PUS7: variants seen among roughly 807,000 people sequenced by gnomAD.
The protein encoded by PUS7 is pseudouridine synthase 7, also known as pseudouridylate synthase 7 homolog.
A neutral mutation model predicts 79.8 loss-of-function variants in PUS7; 48 were observed. The observed-to-expected ratio is 0.60, with a 90% CI of 0.48 to 0.76. PUS7 has a LOEUF of 0.76. PUS7 is among the 30% of genes least tolerant of loss of function. The pLI, the probability that PUS7 is intolerant of heterozygous loss-of-function variation, is 0.00. For missense variants in PUS7, 729 were observed against 797.6 expected, an observed-to-expected ratio of 0.91 and a Z score of 1.04; for synonymous variants, 286 against 272.2, an observed-to-expected ratio of 1.05 and a Z score of -0.50.
At chr7:105,465,212 C>A in intron 13 of PUS7, 101 bp downstream of exon 13, 1 of 711,626 alleles carries the variant, frequency 1.4e-6, no homozygotes, top group South Asian at 2.2e-5. Context: ...GCATCCCTTT[C>A]TGGGAGACTG....
At chr7:105,484,112 A>G (rs1348442904) in intron 7 of PUS7, among the ~76,000 whole-genome samples, 1 of 152,272 alleles carries the variant, frequency 6.6e-6, no homozygotes, top group East Asian at 1.9e-4. Flanking sequence ...GATAGTATTT[A>G]CTAGATTTTT....
intron 6 of PUS7, among the ~76,000 whole-genome samples, chr7:105,492,846 T>A (rs534595157): frequency 1.3e-5 from 2 of 152,318 alleles, no homozygotes; most frequent in East Asian, 3.9e-4. Flanking sequence ...TTTCGCCATG[T>A]TGGCCAGGCT....
At chr7:105,499,755 T>C (rs573178745) in intron 5 of PUS7, among the ~76,000 whole-genome samples, 1 of 152,306 alleles carries the variant, frequency 6.6e-6, no homozygotes, top group South Asian at 2.1e-4. Flanking sequence ...GTGAATCTGC[T>C]AGATAATGCA....
chr7:105,474,527 G>C (rs1408020896), intron 9 of PUS7, among the ~76,000 whole-genome samples: 1 of 151,690 alleles, frequency 6.6e-6, no homozygotes, highest in Non-Finnish European at 1.5e-5. Flanking sequence ...TCAGCACTTT[G>C]GGAGGCTGAG....
intron 5 of PUS7, among the ~76,000 whole-genome samples, chr7:105,501,489 C>T (rs543952092): frequency 1.3e-5 from 2 of 152,150 alleles, no homozygotes; most frequent in Non-Finnish European, 2.9e-5. Flanking sequence ...ATATCAGTGA[C>T]TCACTGGGAC....
chr7:105,459,839 G>A (rs1432437290), intron 14 of PUS7, among the ~76,000 whole-genome samples: 3 of 152,144 alleles, frequency 2.0e-5, no homozygotes, highest in African/African-American at 7.2e-5. Flanking sequence ...TTGGGCGGCC[G>A]AGGTGGGATG....
intron 1 of PUS7, among the ~76,000 whole-genome samples, chr7:105,513,612 C>T (rs972530579): frequency 2.6e-5 from 3 of 113,390 alleles, no homozygotes; most frequent in Non-Finnish European, 6.6e-5. Context: ...CAAGGCAGGC[C>T]GGATCACGAA....
chr7:105,467,162 T>C (rs1823683240), intron 12 of PUS7, among the ~76,000 whole-genome samples: 1 of 149,082 alleles, frequency 6.7e-6, no homozygotes, highest in Non-Finnish European at 1.5e-5. Context: ...AAGACACAGG[T>C]ACAGGGCTTA....
intron 7 of PUS7, 91 bp from the exon 8 acceptor site, chr7:105,482,531 C>G (rs1824367581): frequency 7.5e-7 from 1 of 1,334,006 alleles, no homozygotes. Context: ...GTACAGAAAA[C>G]AAGATACAGC....
At chr7:105,460,140 G>A (rs946427508) in intron 14 of PUS7, among the ~76,000 whole-genome samples, 130 of 152,032 alleles carry the variant, frequency 8.6e-4, no homozygotes, top group Admixed American at 4.8e-3. Flanking sequence ...GCGTTTCACC[G>A]TGTTAGCCAG....
intron 4 of PUS7, among the ~76,000 whole-genome samples, 180 bp from the exon 5 acceptor site, chr7:105,502,744 A>G (rs1825306384): frequency 6.6e-6 from 1 of 152,190 alleles, no homozygotes; most frequent in South Asian, 2.1e-4. Flanking sequence ...CTGTCGCTCA[A>G]GCTGGAGTGC....
intron 5 of PUS7, 87 bp downstream of exon 5, chr7:105,502,333 C>G (rs1383918011): frequency 1.3e-6 from 2 of 1,512,084 alleles, no homozygotes; most frequent in Admixed American, 3.7e-5. Flanking sequence ...TATAGTAGCC[C>G]TTGAACACGA....
At chr7:105,481,386 A>C (rs1428445393) in intron 8 of PUS7, among the ~76,000 whole-genome samples, 1 of 152,168 alleles carries the variant, frequency 6.6e-6, no homozygotes, top group Non-Finnish European at 1.5e-5. Context: ...TAAGTGTGCA[A>C]TTTGGCGGTA....
intron 11 of PUS7, among the ~76,000 whole-genome samples, chr7:105,469,128 C>T (rs1458457517): frequency 6.6e-6 from 1 of 151,702 alleles, no homozygotes; most frequent in Admixed American, 6.6e-5. Flanking sequence ...TGGTCACAAA[C>T]TCCCAGGTTC....
chr7:105,485,457 G>A (rs1240755940), intron 7 of PUS7, among the ~76,000 whole-genome samples: 4 of 152,134 alleles, frequency 2.6e-5, no homozygotes, highest in African/African-American at 7.2e-5. Context: ...TGATCTGCCC[G>A]CCCTAGCCTC....
chr7:105,460,067 T>C (rs1823355505), intron 14 of PUS7, among the ~76,000 whole-genome samples: 1 of 152,000 alleles, frequency 6.6e-6, no homozygotes, highest in Non-Finnish European at 1.5e-5. Context: ...GCCTCCCGAG[T>C]AGCTGGGACT....
At chr7:105,500,249 C>T (rs932038278) in intron 5 of PUS7, among the ~76,000 whole-genome samples, 9 of 152,232 alleles carry the variant, frequency 5.9e-5, no homozygotes, top group East Asian at 1.9e-4. Flanking sequence ...TGGTTCACAT[C>T]GCACAGCTCA....
intron 9 of PUS7, among the ~76,000 whole-genome samples, chr7:105,473,290 T>C (rs2133088871): frequency 6.6e-6 from 1 of 152,206 alleles, no homozygotes; most frequent in East Asian, 1.9e-4. Context: ...CCCTCTGTTG[T>C]CTAGGCTGGA....
chr7:105,475,040 T>C (rs1379498338), intron 9 of PUS7, among the ~76,000 whole-genome samples: 1 of 152,238 alleles, frequency 6.6e-6, no homozygotes, highest in African/African-American at 2.4e-5. Flanking sequence ...ATATAACATA[T>C]TGAACAGTTT....
Sources: gnomAD v4.1 joint callset for allele counts (sites outside exome capture counted in the v4.1 genomes callset) on GRCh38, gnomAD v4.1.1 for gene constraint, MANE v1.5 for transcripts, NCBI Gene and HGNC (gene_info 2026-07-23, HGNC 2026-07-21) for gene names.